Variants in MEGF11 observed in about 807,000 individuals in gnomAD.
MEGF11 encodes the protein multiple epidermal growth factor-like domains protein 11.
A neutral mutation model predicts 146.6 loss-of-function variants in MEGF11; 126 were observed. The ratio of observed to expected loss-of-function variants is 0.86; its 90% confidence interval spans 0.74 to 1.00. The LOEUF is 1.00. Among genes scored for constraint, MEGF11 ranks in the 50% least tolerant of loss-of-function variants. The probability of loss-of-function intolerance (pLI) is 0.00; values close to 1 mark genes in which losing one functional copy is unlikely to be tolerated. For missense variants in MEGF11, 1,509 were observed against 1,521.2 expected (o/e 0.99, Z 0.13); for synonymous variants, 532 against 583.4 (o/e 0.91, Z 1.27).
intron 1 of MEGF11, among the ~76,000 whole-genome samples, chr15:66,226,784 G>C (rs1320338076): frequency 6.6e-6 from 1 of 152,020 alleles, no homozygotes; most frequent in Non-Finnish European, 1.5e-5. Context: ...AGGGGTGACT[G>C]CTGTATACTC....
At chr15:65,898,258 C>CTT in intron 25 of MEGF11, 164 bp from the exon 26 acceptor site, 1 of 985,348 alleles carries the variant, frequency 1.0e-6, no homozygotes, top group Non-Finnish European at 1.2e-6. Context: ...AGATGGAAAA[C>CTT]TAAGTGAATG....
chr15:66,186,874 C>T (rs566577086), intron 1 of MEGF11, among the ~76,000 whole-genome samples: 28 of 152,358 alleles, frequency 1.8e-4, no homozygotes, highest in Admixed American at 1.7e-3. Flanking sequence ...GGTCACAGAG[C>T]TACTGATGGC....
intron 1 of MEGF11, among the ~76,000 whole-genome samples, chr15:66,161,217 T>A (rs143977943): frequency 6.6e-6 from 1 of 151,794 alleles, no homozygotes; most frequent in Non-Finnish European, 1.5e-5. Flanking sequence ...ATGTACTGAG[T>A]GGGAGGAGGT....
intron 7 of MEGF11, among the ~76,000 whole-genome samples, chr15:65,977,175 A>AAAAAAAAAAAAAAT (rs1443130992): frequency 6.6e-6 from 1 of 151,390 alleles, no homozygotes; most frequent in Non-Finnish European, 1.5e-5. Context: ...TCAAAAAAAA[A>AAAAAAAAAAAAAAT]AGAGGATCTT....
At chr15:66,033,778 ATTTATTTTTATTT>A (rs1291919394) in intron 5 of MEGF11, among the ~76,000 whole-genome samples, 5 of 93,278 alleles carry the variant, frequency 5.4e-5, no homozygotes, top group Admixed American at 1.1e-4. Context: ...TTTTGGATTT[ATTTATTTTTATTT>A]TTTATTTTTA....
In MEGF11 at chr15:66,084,062, C is replaced by T. The variant is rs561143601; in HGVS notation, c.394+10340G>A. On this transcript the variant is annotated intron_variant, in intron 5 of 25. Transcript: ENST00000395614. The stretch of plus-strand genomic sequence containing the variant: ...CTCTGAGAAATGCATTGGTAGGTGA[C>T]TTTGTTGTTGTGCAAACATCATAGA... 2.6e-5 allele frequency among the ~76,000 whole-genome samples: 4 copies of T among 152,262 alleles called. No individual in the cohort carries two copies. The East Asian group carries it at 7.7e-4, about 29-fold the overall frequency.
intron 1 of MEGF11, among the ~76,000 whole-genome samples, chr15:66,180,934 T>C (rs1308860681): frequency 6.6e-6 from 1 of 152,204 alleles, no homozygotes; most frequent in Non-Finnish European, 1.5e-5. Flanking sequence ...GCCTTTTGCA[T>C]CTCAATTGCC....
intron 12 of MEGF11, among the ~76,000 whole-genome samples, chr15:65,929,249 A>AT (rs2079485044): frequency 6.6e-6 from 1 of 152,228 alleles, no homozygotes; most frequent in Admixed American, 6.5e-5. Flanking sequence ...AGATGAAGTG[A>AT]TTAAGTCTGG....
chr15:66,085,114 T>C (rs2086051357), intron 5 of MEGF11, among the ~76,000 whole-genome samples: 1 of 151,908 alleles, frequency 6.6e-6, no homozygotes, highest in Non-Finnish European at 1.5e-5. Flanking sequence ...TCCTCCTAGG[T>C]ACACAACTCC....
At chr15:66,222,047 T>C (rs550644632) in intron 1 of MEGF11, among the ~76,000 whole-genome samples, 1 of 152,256 alleles carries the variant, frequency 6.6e-6, no homozygotes, top group East Asian at 1.9e-4. Context: ...CTTCCCAAGA[T>C]GAAATTATTT....
Position 65,980,801 on chromosome 15 carries a change from A to C in MEGF11, c.739T>G (p.Cys247Gly). The C allele has an allele frequency of 6.2e-7, 1 of 1,606,984 alleles. No homozygotes were observed. The highest frequency in any genetic ancestry group is 2.2e-5 in the East Asian group (1 of 44,656). Residue 247 changes from cysteine to glycine, a missense_variant, in exon 7 of 26, where the codon TGT becomes GGT. Transcript: ENST00000395614. ...GGTCHHITGECACPPGWTGAV... is the reference protein window; with the variant it reads ...GGTCHHITGEGACPPGWTGAV... ...ACCGTCCAGCCTGGGGGGCAGGCAC[A>C]CTCGCCAGTGATGTGGTGGCAGGTG...
intron 8 of MEGF11, among the ~76,000 whole-genome samples, chr15:65,969,905 C>T (rs901844528): frequency 6.6e-6 from 1 of 152,098 alleles, no homozygotes; most frequent in Admixed American, 6.5e-5. Context: ...CTTTTTCCAG[C>T]TTCCAATCTA....
intron 1 of MEGF11, 83 bp downstream of exon 1, chr15:66,253,522 G>A (rs1414615989): frequency 6.6e-6 from 1 of 152,116 alleles, no homozygotes; most frequent in Non-Finnish European, 1.5e-5. Context: ...CCCTCCCCAG[G>A]GCCGGAACCC....
intron 13 of MEGF11, among the ~76,000 whole-genome samples, chr15:65,924,751 G>A (rs2079310513): frequency 6.6e-6 from 1 of 150,778 alleles, no homozygotes; most frequent in East Asian, 2.0e-4. Flanking sequence ...TCAGCCTTCC[G>A]AGTAGCTGGG....
rs922482038 is a variant in MEGF11, at chr15:66,116,959, G to A, written c.301+2127C>T. 3.3e-5 allele frequency among the ~76,000 whole-genome samples: 5 copies of A among 152,186 alleles called. No homozygotes were observed. In the South Asian group the frequency reaches 1.0e-3, roughly 32 times the overall value. The stretch of plus-strand genomic sequence containing the variant: ...AGAGACTCTGGAGCCAGACAGCCTG[G>A]ATTCAAATCCAAGTTCTGCCACTTT... On this transcript the variant is annotated intron_variant, in intron 4 of 25. Coordinates refer to ENST00000395614, the MANE Select transcript of MEGF11 (RefSeq NM_001385028.1).
intron 5 of MEGF11, among the ~76,000 whole-genome samples, chr15:65,987,268 G>A (rs2081894389): frequency 6.6e-6 from 1 of 151,848 alleles, no homozygotes; most frequent in South Asian, 2.1e-4. Flanking sequence ...AATAGCACTT[G>A]CTGCAGATGG....
chr15:66,031,715 C>T (rs1240077916), intron 5 of MEGF11, among the ~76,000 whole-genome samples: 2 of 152,204 alleles, frequency 1.3e-5, no homozygotes, highest in African/African-American at 2.4e-5. Context: ...CTCTGGGCCT[C>T]TGCTTCCAAA....
chr15:65,950,604 CACACACACACACACACACACACA>C (rs1374630054), intron 10 of MEGF11, among the ~76,000 whole-genome samples: 1 of 146,658 alleles, frequency 6.8e-6, no homozygotes, highest in African/African-American at 2.6e-5. Flanking sequence ...CACACACACA[CACACACACACACACACACACACA>C]AAAGGAAATA....
At chr15:66,029,308 C>T (rs2083440099) in intron 5 of MEGF11, among the ~76,000 whole-genome samples, 1 of 152,114 alleles carries the variant, frequency 6.6e-6, no homozygotes, top group African/African-American at 2.4e-5. Flanking sequence ...TGGTGGCATT[C>T]GAGGTCTTCT....
Sources: gnomAD v4.1 joint callset for allele counts (sites outside exome capture counted in the v4.1 genomes callset) on GRCh38, gnomAD v4.1.1 for gene constraint, MANE v1.5 for transcripts, NCBI Gene and HGNC (gene_info 2026-07-23, HGNC 2026-07-21) for gene names.